Variants in KIF14 observed in about 807,000 individuals in gnomAD.
The protein encoded by KIF14 is kinesin family member 14, also known as kinesin-like protein KIF14.
A neutral mutation model predicts 176.2 loss-of-function variants in KIF14; 98 were observed. That is an observed-to-expected ratio of 0.56 (90% CI 0.47 to 0.66). The LOEUF is 0.66. Ranked by LOEUF, KIF14 falls within the 30% of genes least tolerant of loss-of-function variation. The pLI is 0.00. For synonymous variants in KIF14, 566 were observed against 632.2 expected, an observed-to-expected ratio of 0.90 and a Z score of 1.57; for missense variants, 1,751 against 1,920.4, an observed-to-expected ratio of 0.91 and a Z score of 1.65.
intron 22 of KIF14, among the ~76,000 whole-genome samples, chr1:200,575,174 T>A (rs140466185): frequency 6.6e-6 from 1 of 152,172 alleles, no homozygotes; most frequent in Middle Eastern, 3.4e-3. Flanking sequence ...GCCAGGATGG[T>A]CTCGATCTCC....
In KIF14 at chr1:200,553,464, C is replaced by A. The variant is rs746476284; in HGVS notation, c.4871G>T (p.Arg1624Leu). 2 of 1,613,920 alleles carry A rather than the reference C, an allele frequency of 1.2e-6. No homozygotes were observed. Among genetic ancestry groups the A allele is most frequent in the African/African-American group, 1.3e-5 (1 of 74,878 alleles). The change falls in exon 30 of 30, where the codon CGT becomes CTT. Residue 1624 changes from arginine (R) to leucine (L), a missense_variant. By Grantham distance (102) the Arg-to-Leu change is moderately radical (BLOSUM62 -2). Transcript: ENST00000367350. Reference protein sequence around the residue: ...DGSKNKGVPKRVYELHGSSPA... With the variant: ...DGSKNKGVPKLVYELHGSSPA... The stretch of plus-strand genomic sequence containing the variant: ...GGATGAGCCATGGAGCTCATAGACA[C>A]GCTTTGGTACACCTTTATTCTTACT...
At chr1:200,598,520 A>G (rs1659475716) in intron 13 of KIF14, 99 bp from the exon 14 acceptor site, 2 of 707,118 alleles carry the variant, frequency 2.8e-6, no homozygotes, top group Non-Finnish European at 4.4e-6. Flanking sequence ...AAACAATTCT[A>G]TATGAAGTCT....
intron 20 of KIF14, among the ~76,000 whole-genome samples, chr1:200,580,858 C>G (rs916709872): frequency 2.4e-4 from 36 of 151,968 alleles, no homozygotes; most frequent in African/African-American, 8.7e-4. Context: ...CACCTGTAAT[C>G]CCAGCACTTT....
At chr1:200,576,739 C>A (rs1322948155) in intron 21 of KIF14, among the ~76,000 whole-genome samples, 2 of 152,094 alleles carry the variant, frequency 1.3e-5, no homozygotes, top group Non-Finnish European at 2.9e-5. Flanking sequence ...TTGCTTTCAG[C>A]CTTTTTGGAT....
chr1:200,554,515 T>G lies in KIF14; in HGVS notation c.4520A>C (p.Lys1507Thr). ...VNRAPEFLKLKHCLEKAIEII... is the reference protein window; with the variant it reads ...VNRAPEFLKLTHCLEKAIEII... ...TTCAATAGCTTTCTCTAAGCAATGTTTTAACTTTAAGAATTCTGGAGCACG... is the reference window on the plus strand; with the variant it reads ...TTCAATAGCTTTCTCTAAGCAATGTGTTAACTTTAAGAATTCTGGAGCACG... Residue 1507 changes from lysine to threonine, a missense_variant, in exon 29 of 30, where the codon AAA (lysine) becomes ACA (threonine). Lys to Thr is a moderately conservative substitution (Grantham distance 78). Transcript: ENST00000367350. 6.4e-7 allele frequency: 1 copy of G among 1,551,052 alleles called. No individual in the cohort carries two copies. Among genetic ancestry groups the G allele is most frequent in the Non-Finnish European group, 8.9e-7 (1 of 1,125,450 alleles).
rs1477441911 is a variant in KIF14 at position 200,565,491 on chromosome 1, G to T, written c.3840C>A (p.Ala1280=). Reference sequence around the variant, plus strand: ...CTTGTTCTTCATGAGCCTTGGAAATGGCAAATAGCCCATTATAAATTTTAA... The same window carrying T: ...CTTGTTCTTCATGAGCCTTGGAAATTGCAAATAGCCCATTATAAATTTTAA... ...SFLKIYNGLF[A]ISKAHEEQDE... Residue 1280 remains alanine, a synonymous_variant, in exon 24 of 30, where the codon GCC becomes GCA. Transcript: ENST00000367350. 6.2e-7 allele frequency: 1 copy of T among 1,608,622 alleles called. No individual in the cohort carries two copies. Among genetic ancestry groups the T allele is most frequent in the African/African-American group, 1.3e-5 (1 of 74,560 alleles).
At chr1:200,610,514 A>G (rs1366114956) in intron 4 of KIF14, among the ~76,000 whole-genome samples, 1 of 150,992 alleles carries the variant, frequency 6.6e-6, no homozygotes, top group Non-Finnish European at 1.5e-5. Flanking sequence ...CCTCTCAAAA[A>G]AAAAAAAAAA....
chr1:200,585,182 T>A (rs114791234), intron 19 of KIF14, among the ~76,000 whole-genome samples: 3,004 of 150,684 alleles, frequency 0.02, 97 homozygotes, highest in African/African-American at 0.069. Flanking sequence ...TGCCTATAAT[T>A]AATAATACTG....
At chr1:200,555,299 T>C (rs550259446) in intron 28 of KIF14, 81 bp downstream of exon 28, 5 of 887,502 alleles carry the variant, frequency 5.6e-6, no homozygotes, top group East Asian at 5.4e-5. Context: ...GGATAAACAC[T>C]GAAATAAAAA....
intron 5 of KIF14, 28 bp downstream of exon 5, chr1:200,608,802 A>G (rs756031881): frequency 7.4e-7 from 1 of 1,350,596 alleles, no homozygotes; most frequent in South Asian, 1.2e-5. Flanking sequence ...AGAAATTCAA[A>G]ACAAATAATA....
chr1:200,615,102 G>A (rs991724492), intron 3 of KIF14, among the ~76,000 whole-genome samples: 2 of 152,114 alleles, frequency 1.3e-5, no homozygotes, highest in Non-Finnish European at 2.9e-5. Flanking sequence ...CTTAGTTTAT[G>A]TAAAATATAT....
At chr1:200,596,888 CTTTT>C (rs993346438) in intron 14 of KIF14, among the ~76,000 whole-genome samples, 18 of 99,220 alleles carry the variant, frequency 1.8e-4, no homozygotes, top group Non-Finnish European at 3.0e-4. Flanking sequence ...CTCTCTCTCT[CTTTT>C]TTTTTTTTTT....
intron 25 of KIF14, among the ~76,000 whole-genome samples, chr1:200,564,450 T>C (rs1434717820): frequency 6.6e-6 from 1 of 152,130 alleles, no homozygotes; most frequent in African/African-American, 2.4e-5. Context: ...AGCCACTGTG[T>C]CTACATCTAG....
chr1:200,574,937 ATTTTTT>A (rs35584654), intron 22 of KIF14, among the ~76,000 whole-genome samples: 3 of 110,682 alleles, frequency 2.7e-5, no homozygotes, highest in African/African-American at 6.8e-5. Context: ...AGAAAGGGTA[ATTTTTT>A]TTTTTTTTTT....
chr1:200,606,660 G>T, intron 6 of KIF14, 86 bp downstream of exon 6: 1 of 1,183,846 alleles, frequency 8.4e-7, no homozygotes. Flanking sequence ...GAAGGCCAAT[G>T]AGAATACAAT....
rs1465822053 is a variant in KIF14 at position 200,618,844 on chromosome 1, A to G, written c.-115-6T>C. 1.3e-6 allele frequency: 1 copy of G among 780,306 alleles called. No homozygotes were observed. Among genetic ancestry groups the G allele is most frequent in the African/African-American group, 1.7e-5 (1 of 57,238 alleles). 48.3% of individuals were successfully genotyped at this position (780,306 alleles called of 1,614,324 possible). ...TTCTGAAAGTATCTGCTAAACTAAA[A>G]GAAAAAAAAAAGATTTAGATCACAC... On this transcript the variant is annotated splice_polypyrimidine_tract_variant and splice_region_variant and intron_variant, in intron 1 of 29. Coordinates refer to ENST00000367350, the MANE Select transcript of KIF14 (RefSeq NM_014875.3).
chr1:200,603,398 T>C (rs1293975141), intron 9 of KIF14, 57 bp from the exon 10 acceptor site: 1 of 810,526 alleles, frequency 1.2e-6, no homozygotes, highest in Admixed American at 2.1e-5. Context: ...AAGAAATTTA[T>C]TTCACAAAAT....
Position 200,609,564 on chromosome 1 carries a change from G to A in KIF14, c.1456-636C>T, listed in dbSNP as rs754986677. Among the ~76,000 whole-genome samples the A allele has an allele frequency of 3.3e-5, 5 of 152,308 alleles. No individual in the cohort carries two copies. In the South Asian group the frequency reaches 8.3e-4, roughly 25 times the overall value. ...CTCGGGAGGCTGAGGCAGGAGAATC[G>A]CTTGAACCTGGGAGGTGGAGGTTGC... On this transcript the variant is annotated intron_variant, in intron 4 of 29. Coordinates refer to ENST00000367350, the MANE Select transcript of KIF14 (RefSeq NM_014875.3).
Position 200,579,746 on chromosome 1 carries a change from T to C in KIF14, c.3465+508A>G, listed in dbSNP as rs181495495. ...ATATGTTTAGTTTCATTTTGGAAAA[T>C]AAAAGATGACAAAATAAGATATTAA... On this transcript the variant is annotated intron_variant, in intron 21 of 29. Transcript: ENST00000367350. Among the ~76,000 whole-genome samples, 243 of 152,074 alleles carry C rather than the reference T, an allele frequency of 1.6e-3. 2 individuals carry two copies. The highest frequency in any genetic ancestry group is 5.4e-4 in the Non-Finnish European group (37 of 67,980).
Sources: allele counts gnomAD v4.1 joint callset (sites outside exome capture counted in the v4.1 genomes callset), GRCh38; gene constraint gnomAD v4.1.1; transcripts MANE v1.5; gene names NCBI Gene and HGNC (gene_info 2026-07-23, HGNC 2026-07-21).